Variants in FDX1 observed in about 807,000 individuals in gnomAD.
The protein encoded by FDX1 is ferredoxin 1, also known as adrenodoxin, mitochondrial.
A neutral mutation model predicts 14.9 loss-of-function variants in FDX1; 9 were observed. The ratio of observed to expected loss-of-function variants is 0.60; its 90% confidence interval spans 0.36 to 1.05. The LOEUF (loss-of-function observed/expected upper bound fraction) is 1.05, where lower values mean the gene tolerates loss of function less well. Among genes scored for constraint, FDX1 ranks in the 50% least tolerant of loss-of-function variants. The pLI is 0.01. For synonymous variants in FDX1, 92 were observed against 99.4 expected (o/e 0.93, Z 0.44); for missense variants, 204 against 237.2 (o/e 0.86, Z 0.92).
intron 1 of FDX1, among the ~76,000 whole-genome samples, chr11:110,432,002 A>G (rs1260029892): frequency 6.6e-6 from 1 of 152,228 alleles, no homozygotes; most frequent in Non-Finnish European, 1.5e-5. Context: ...TCAATCTCGT[A>G]GTTACACTAG....
Position 110,456,139 on chromosome 11 carries a change from A to G in FDX1, c.311-779A>G, listed in dbSNP as rs182885179. On this transcript the variant is annotated intron_variant, in intron 2 of 3. Coordinates refer to ENST00000260270, the MANE Select transcript of FDX1 (RefSeq NM_004109.5). ...TAGTGACTTATTTTAAAATGACTTG[A>G]TTCTGTCCAAATTACAAGGAGAGAT... is the stretch of plus-strand genomic sequence containing the variant. 2.0e-5 allele frequency among the ~76,000 whole-genome samples: 3 copies of G among 152,338 alleles called. No individual in the cohort carries two copies. In the East Asian group the frequency reaches 5.8e-4, roughly 29 times the overall value.
chr11:110,451,884 T>A (rs761077291), intron 2 of FDX1, among the ~76,000 whole-genome samples: 10 of 152,232 alleles, frequency 6.6e-5, no homozygotes, highest in Non-Finnish European at 1.5e-4. Flanking sequence ...ATTTTCTTTA[T>A]CTCTTTATCA....
intron 2 of FDX1, among the ~76,000 whole-genome samples, chr11:110,447,176 GGA>G (rs1491222590): frequency 0.085 from 3,899 of 45,676 alleles, 297 homozygotes; most frequent in African/African-American, 0.23. Context: ...ACTCCATCTT[GGA>G]AAAAAAAAAA....
chr11:110,452,160 G>T (rs567545351), intron 2 of FDX1, among the ~76,000 whole-genome samples: 2 of 152,094 alleles, frequency 1.3e-5, no homozygotes, highest in South Asian at 4.2e-4. Flanking sequence ...TAGGACCTGT[G>T]GGTAGGTAGG....
intron 2 of FDX1, among the ~76,000 whole-genome samples, chr11:110,452,927 T>C (rs1737946008): frequency 6.6e-6 from 1 of 152,300 alleles, no homozygotes; most frequent in African/African-American, 2.4e-5. Flanking sequence ...GGGTTAGGGA[T>C]GAGGTAGACT....
Position 110,462,576 on chromosome 11 carries a change from A to G in FDX1, c.*108A>G. On this transcript the variant is annotated 3_prime_UTR_variant, in exon 4 of 4. Transcript: ENST00000260270. ...GATGAGTGGACTTCATATTATGACT[A>G]GCTTTACTATTTTAATTCACCTTGC... is the stretch of plus-strand genomic sequence containing the variant. The G allele has an allele frequency of 2.0e-6, 1 of 495,526 alleles. No individual in the cohort carries two copies. The highest frequency in any genetic ancestry group is 3.5e-6 in the Non-Finnish European group (1 of 287,414). The allele number at this position is 495,526 out of a possible 1,614,324, so 30.7% of individuals were successfully genotyped here.
chr11:110,451,331 C>T (rs1023767501), intron 2 of FDX1, among the ~76,000 whole-genome samples: 3 of 152,248 alleles, frequency 2.0e-5, no homozygotes, highest in Admixed American at 1.3e-4. Flanking sequence ...ATGCATTGCA[C>T]CTTCTAACTC....
At chr11:110,437,955 G>A (rs1300390945) in intron 2 of FDX1, among the ~76,000 whole-genome samples, 3 of 152,176 alleles carry the variant, frequency 2.0e-5, no homozygotes, top group Non-Finnish European at 4.4e-5. Flanking sequence ...TTGCTGGAAA[G>A]GACATAGTTT....
Position 110,430,181 on chromosome 11 carries a change from G to C in FDX1, c.61G>C (p.Ala21Pro), listed in dbSNP as rs1260436648. ...CGCTTCTGCTGTCCTCGGCGGCCCG[G>C]CCGGCCGGTGGCTGCACCACGCTGG... The part of the protein sequence containing the change: ...RAASAVLGGP[A>P]GRWLHHAGSR... Residue 21 changes from alanine to proline, a missense_variant, in exon 1 of 4, where the codon GCC becomes CCC. Coordinates refer to ENST00000260270, the MANE Select transcript of FDX1 (RefSeq NM_004109.5). The C allele has an allele frequency of 1.3e-5, 16 of 1,231,510 alleles. No homozygotes were observed. Among genetic ancestry groups the C allele is most frequent in the Middle Eastern group, 3.1e-4 (1 of 3,182 alleles). The allele number at this position is 1,231,510 out of a possible 1,614,324, so 76.3% of individuals were successfully genotyped here.
chr11:110,442,698 G>T (rs1204546444), intron 2 of FDX1, among the ~76,000 whole-genome samples: 4 of 152,218 alleles, frequency 2.6e-5, no homozygotes, highest in African/African-American at 9.7e-5. Context: ...TCTTGGATGA[G>T]ACTTTGGACT....
chr11:110,437,816 C>T (rs999657261), intron 2 of FDX1, among the ~76,000 whole-genome samples: 1 of 152,136 alleles, frequency 6.6e-6, no homozygotes, highest in Non-Finnish European at 1.5e-5. Context: ...TGGTAGTGCC[C>T]AGTATCTACT....
In FDX1 at chr11:110,462,425, T is replaced by C. The variant is rs545525590; in HGVS notation, c.512T>C (p.Val171Ala). Residue 171 changes from valine to alanine, a missense_variant, in exon 4 of 4, where the codon GTG (valine) becomes GCG (alanine). Physicochemically the swap from Val to Ala is moderately conservative, Grantham distance 64 (BLOSUM62 0). Coordinates refer to ENST00000260270, the MANE Select transcript of FDX1 (RefSeq NM_004109.5). ...ATGACTGTTCGAGTGCCTGAAACAG[T>C]GGCTGATGCCAGACAATCCATTGAT... ...DNMTVRVPET[V>A]ADARQSIDVG... 10 of 1,605,510 alleles carry C rather than the reference T, an allele frequency of 6.2e-6. No homozygotes were observed. Among genetic ancestry groups the C allele is most frequent in the African/African-American group, 2.7e-5 (2 of 74,884 alleles).
intron 2 of FDX1, among the ~76,000 whole-genome samples, chr11:110,444,417 A>T (rs1478135798): frequency 6.6e-6 from 1 of 151,618 alleles, no homozygotes; most frequent in South Asian, 2.1e-4. Flanking sequence ...GGAGTTTGAG[A>T]CTAGCCTGGC....
At chr11:110,454,765 C>T (rs1428924651) in intron 2 of FDX1, among the ~76,000 whole-genome samples, 3 of 151,982 alleles carry the variant, frequency 2.0e-5, no homozygotes, top group Non-Finnish European at 4.4e-5. Flanking sequence ...CTTGGAACTA[C>T]TATGTGAGGT....
intron 2 of FDX1, among the ~76,000 whole-genome samples, chr11:110,450,199 A>G (rs1452920583): frequency 1.3e-5 from 2 of 152,164 alleles, no homozygotes; most frequent in Non-Finnish European, 2.9e-5. Flanking sequence ...ATTACACTGT[A>G]TCATATAATG....
chr11:110,432,227 C>T (rs1279822675), intron 1 of FDX1, among the ~76,000 whole-genome samples: 1 of 152,044 alleles, frequency 6.6e-6, no homozygotes, highest in African/African-American at 2.4e-5. Context: ...TACCGTGACA[C>T]AAGGGGGTTT....
chr11:110,433,043 T>C (rs6589134), intron 1 of FDX1, among the ~76,000 whole-genome samples: 49,517 of 152,090 alleles, frequency 0.33, 8,181 homozygotes, highest in East Asian at 0.38. Flanking sequence ...ATAAGATTAA[T>C]GTTGTCCAAT....
chr11:110,451,034 G>C (rs1236166232), intron 2 of FDX1, among the ~76,000 whole-genome samples: 1 of 151,398 alleles, frequency 6.6e-6, no homozygotes, highest in African/African-American at 2.4e-5. Flanking sequence ...TAGCCTTGTA[G>C]TTGTTGTTTG....
chr11:110,446,053 A>T (rs1392411497), intron 2 of FDX1, among the ~76,000 whole-genome samples: 2 of 152,220 alleles, frequency 1.3e-5, no homozygotes, highest in Non-Finnish European at 2.9e-5. Context: ...TCAGACTCAG[A>T]AGAAAAGCTT....
Sources: allele counts gnomAD v4.1 joint callset (sites outside exome capture counted in the v4.1 genomes callset), GRCh38; gene constraint gnomAD v4.1.1; transcripts MANE v1.5; gene names NCBI Gene and HGNC (gene_info 2026-07-23, HGNC 2026-07-21).